UMPS: variants seen among roughly 807,000 people sequenced by gnomAD.
UMPS encodes the protein uridine monophosphate synthetase, also known as uridine 5'-monophosphate synthase.
A neutral mutation model predicts 38.9 loss-of-function variants in UMPS; 21 were observed. The observed-to-expected ratio is 0.54, with a 90% CI of 0.38 to 0.78. The LOEUF (loss-of-function observed/expected upper bound fraction) is 0.78, where lower values mean the gene tolerates loss of function less well. Ranked by LOEUF, UMPS falls within the 30% of genes least tolerant of loss-of-function variation. UMPS has a pLI of 0.00. For missense variants in UMPS, 533 were observed against 591.6 expected (o/e 0.90, Z 1.03); for synonymous variants, 208 against 219.3 (o/e 0.95, Z 0.45).
intron 1 of UMPS, among the ~76,000 whole-genome samples, chr3:124,732,965 A>G (rs1366322092): frequency 1.3e-5 from 1 of 75,964 alleles, no homozygotes; most frequent in South Asian, 3.8e-4. Flanking sequence ...TAACTAGATC[A>G]TGGTGTGTGT....
Position 124,748,826 on chromosome 3 carries a change from AC to A in UMPS, c.*4743del. 1 of 405,084 alleles carries A rather than the reference AC, an allele frequency of 2.5e-6. No individual in the cohort carries two copies. The highest frequency in any genetic ancestry group is 4.9e-6 in the Non-Finnish European group (1 of 203,228). 25.1% of individuals were successfully genotyped at this position (405,084 alleles called of 1,614,324 possible). ...CTGAGCTTCCTGTGGCTCCAGAGTA[AC>A]ATTATAGAGAAGCTGAATTCTCCTG... On this transcript the variant is annotated 3_prime_UTR_variant, in exon 6 of 6. Transcript: ENST00000232607.
In UMPS at chr3:124,745,622, A is replaced by G. The variant is rs1418580083; in HGVS notation, c.*1538A>G. On this transcript the variant is annotated 3_prime_UTR_variant, in exon 6 of 6. Coordinates refer to ENST00000232607, the MANE Select transcript of UMPS (RefSeq NM_000373.4). The stretch of plus-strand genomic sequence containing the variant: ...TGTCCCCAGTGCTGCATCTCCAGGG[A>G]AATGCTGTCTGTGGGAGAGACCAAC... 8.8e-6 allele frequency: 4 copies of G among 453,978 alleles called. No homozygotes were observed. Among genetic ancestry groups the G allele is most frequent in the Non-Finnish European group, 1.8e-5 (4 of 226,800 alleles). The allele number at this position is 453,978 out of a possible 1,614,324, so 28.1% of individuals were successfully genotyped here. A position where few individuals can be genotyped will look rare whatever the true frequency, so the allele number is the denominator to read the frequency against.
At chr3:124,732,191 C>T (rs2063484237) in intron 1 of UMPS, among the ~76,000 whole-genome samples, 2 of 152,156 alleles carry the variant, frequency 1.3e-5, no homozygotes. Context: ...CTACTGTAAT[C>T]GAAGCCTATA....
Position 124,744,121 on chromosome 3 carries a change from C to T in UMPS, c.*37C>T, listed in dbSNP as rs747349290. On this transcript the variant is annotated 3_prime_UTR_variant, in exon 6 of 6. Transcript: ENST00000232607. ...ACATTTTTCAGATACAATGTGAAGACATTGAAGATATGTGGTCCTCCTGAA... is the reference window on the plus strand; with the variant it reads ...ACATTTTTCAGATACAATGTGAAGATATTGAAGATATGTGGTCCTCCTGAA... The T allele has an allele frequency of 8.3e-5, 133 of 1,610,342 alleles. No homozygotes were observed. The highest frequency in any genetic ancestry group is 8.2e-4 in the Middle Eastern group (5 of 6,066).
At position 124,746,785 on chromosome 3, in the gene UMPS, G is replaced by C. The variant is rs779382854; in HGVS notation, c.*2701G>C. On this transcript the variant is annotated 3_prime_UTR_variant, in exon 6 of 6. Coordinates refer to ENST00000232607, the MANE Select transcript of UMPS (RefSeq NM_000373.4). Reference sequence around the variant, plus strand: ...TGTGTGTGTGTGTGTGTGTGTGTGTGTGTGTGTGTGTGCATGCGCGCGCGT... The same window carrying C: ...TGTGTGTGTGTGTGTGTGTGTGTGTCTGTGTGTGTGTGCATGCGCGCGCGT... 1 of 387,786 alleles carries C rather than the reference G, an allele frequency of 2.6e-6. No homozygotes were observed. Among genetic ancestry groups the C allele is most frequent in the South Asian group, 1.7e-5 (1 of 59,884 alleles). 24.0% of individuals were successfully genotyped at this position (387,786 alleles called of 1,614,324 possible). A position where few individuals can be genotyped will look rare whatever the true frequency, so the allele number is the denominator to read the frequency against.
intron 4 of UMPS, among the ~76,000 whole-genome samples, chr3:124,740,738 G>T (rs2063550734): frequency 6.6e-6 from 1 of 152,130 alleles, no homozygotes; most frequent in Admixed American, 6.5e-5. Flanking sequence ...CGGGAGGATT[G>T]CTTGAGGCCA....
Position 124,744,280 on chromosome 3 carries a change from T to G in UMPS, c.*196T>G. The G allele has an allele frequency of 1.4e-6, 1 of 713,952 alleles. No individual in the cohort carries two copies. Among genetic ancestry groups the G allele is most frequent in the Non-Finnish European group, 2.4e-6 (1 of 409,860 alleles). The allele number at this position is 713,952 out of a possible 1,614,324, so 44.2% of individuals were successfully genotyped here. ...TGTAATCACCGCATTGATACTATAA[T>G]AAGTTCATTCTTAAGCTTGCTTTTT... is the stretch of plus-strand genomic sequence containing the variant. On this transcript the variant is annotated 3_prime_UTR_variant, in exon 6 of 6. Transcript: ENST00000232607.
In UMPS at chr3:124,744,433, G is replaced by A. The variant is rs1196578383; in HGVS notation, c.*349G>A. ...TTCTATTTATTTTTTAATTTTTTTCGAGACAGGATCTCACTCTGTTGCCCA... is the reference window on the plus strand; with the variant it reads ...TTCTATTTATTTTTTAATTTTTTTCAAGACAGGATCTCACTCTGTTGCCCA... On this transcript the variant is annotated 3_prime_UTR_variant, in exon 6 of 6. Transcript: ENST00000232607. 2 of 455,614 alleles carry A rather than the reference G, an allele frequency of 4.4e-6. No homozygotes were observed. Among genetic ancestry groups the A allele is most frequent in the Admixed American group, 2.3e-5 (1 of 42,562 alleles). 28.2% of individuals were successfully genotyped at this position (455,614 alleles called of 1,614,324 possible).
In UMPS at chr3:124,745,138, CATT is replaced by C. The variant is rs960067906; in HGVS notation, c.*1056_*1058del. ...GATCCCACATAATTGTCCCAACGGTCATTAGTAGAGGGGAGGTAAGCCTTCATT... is the reference window on the plus strand; with the variant it reads ...GATCCCACATAATTGTCCCAACGGTCAGTAGAGGGGAGGTAAGCCTTCATT... On this transcript the variant is annotated 3_prime_UTR_variant, in exon 6 of 6. Transcript: ENST00000232607. 2.9e-5 allele frequency: 13 copies of C among 453,944 alleles called. No individual in the cohort carries two copies. Among genetic ancestry groups the C allele is most frequent in the African/African-American group, 2.4e-4 (12 of 49,984 alleles). 28.1% of individuals were successfully genotyped at this position (453,944 alleles called of 1,614,324 possible). A position where few individuals can be genotyped will look rare whatever the true frequency, so the allele number is the denominator to read the frequency against.
Position 124,747,341 on chromosome 3 carries a change from C to G in UMPS, c.*3257C>G, listed in dbSNP as rs1052805745. On this transcript the variant is annotated 3_prime_UTR_variant, in exon 6 of 6. Coordinates refer to ENST00000232607, the MANE Select transcript of UMPS (RefSeq NM_000373.4). ...AGGGGTGCAGCCACAGGAGAGCCAA[C>G]AGCAGAGGGTGCTGGCCGCTGAGCT... 3 of 455,040 alleles carry G rather than the reference C, an allele frequency of 6.6e-6. No individual in the cohort carries two copies. The highest frequency in any genetic ancestry group is 4.0e-5 in the African/African-American group (2 of 50,024). 28.2% of individuals were successfully genotyped at this position (455,040 alleles called of 1,614,324 possible).
chr3:124,741,562 G>A (rs961271569), intron 4 of UMPS, among the ~76,000 whole-genome samples: 1 of 152,216 alleles, frequency 6.6e-6, no homozygotes, highest in Non-Finnish European at 1.5e-5. Context: ...CATGACAGCT[G>A]CCTTTGGATA....
chr3:124,744,803 A>C lies in UMPS; in HGVS notation c.*719A>C. 2.2e-6 allele frequency: 1 copy of C among 454,080 alleles called. No individual in the cohort carries two copies. The highest frequency in any genetic ancestry group is 4.4e-6 in the Non-Finnish European group (1 of 226,778). The allele number at this position is 454,080 out of a possible 1,614,324, so 28.1% of individuals were successfully genotyped here. A position where few individuals can be genotyped will look rare whatever the true frequency, so the allele number is the denominator to read the frequency against. On this transcript the variant is annotated 3_prime_UTR_variant, in exon 6 of 6. Transcript: ENST00000232607. ...TATTCTCTGTCTAATGTGTTGCCCA[A>C]ATAATACCTAATTGTTAGCCATTCC...
Position 124,748,891 on chromosome 3 carries a change from A to G in UMPS, c.*4807A>G, listed in dbSNP as rs1412881256. ...GGCATGGGAGTTAGCTGAGAAGCAG[A>G]CCTGGTGGGCCTGAGAGTCTCAATC... On this transcript the variant is annotated 3_prime_UTR_variant, in exon 6 of 6. Transcript: ENST00000232607. 4 of 440,560 alleles carry G rather than the reference A, an allele frequency of 9.1e-6. No individual in the cohort carries two copies. Among genetic ancestry groups the G allele is most frequent in the African/African-American group, 6.0e-5 (3 of 49,710 alleles). 27.3% of individuals were successfully genotyped at this position (440,560 alleles called of 1,614,324 possible). A position where few individuals can be genotyped will look rare whatever the true frequency, so the allele number is the denominator to read the frequency against.
rs1450735973 is a variant in UMPS at position 124,748,926 on chromosome 3, GGACA to G, written c.*4844_*4847del. The G allele has an allele frequency of 2.2e-6, 1 of 451,472 alleles. No individual in the cohort carries two copies. Among genetic ancestry groups the G allele is most frequent in the Non-Finnish European group, 4.4e-6 (1 of 224,976 alleles). The allele number at this position is 451,472 out of a possible 1,614,324, so 28.0% of individuals were successfully genotyped here. ...CCTGAGAGTCTCAATCGTCAGGTAA[GGACA>G]GTCAGTGGGAAGTGGACGGGCCGCA... On this transcript the variant is annotated 3_prime_UTR_variant, in exon 6 of 6. Transcript: ENST00000232607.
In UMPS at chr3:124,747,064, T is replaced by G. The variant is rs1346538698; in HGVS notation, c.*2980T>G. The G allele has an allele frequency of 8.8e-6, 4 of 453,488 alleles. No individual in the cohort carries two copies. Among genetic ancestry groups the G allele is most frequent in the Non-Finnish European group, 1.3e-5 (3 of 226,488 alleles). The allele number at this position is 453,488 out of a possible 1,614,324, so 28.1% of individuals were successfully genotyped here. A position where few individuals can be genotyped will look rare whatever the true frequency, so the allele number is the denominator to read the frequency against. Reference sequence around the variant, plus strand: ...ACTCTGTTGCCCAGGCTGGAGTATATCATGGCTCACTGCAACCTTGACTTG... The same window carrying G: ...ACTCTGTTGCCCAGGCTGGAGTATAGCATGGCTCACTGCAACCTTGACTTG... On this transcript the variant is annotated 3_prime_UTR_variant, in exon 6 of 6. Coordinates refer to ENST00000232607, the MANE Select transcript of UMPS (RefSeq NM_000373.4).
chr3:124,731,437 G>T (rs9840078), intron 1 of UMPS: 64,734 of 365,904 alleles, frequency 0.18, 6,379 homozygotes, highest in Admixed American at 0.27. Flanking sequence ...TACCTGGAAT[G>T]TGTGATACAA....
chr3:124,734,584 G>A (rs1160560412), intron 1 of UMPS, among the ~76,000 whole-genome samples: 4 of 152,080 alleles, frequency 2.6e-5, no homozygotes, highest in African/African-American at 9.7e-5. Flanking sequence ...TGTGTTTTTA[G>A]ATTTATATTT....
At position 124,747,141 on chromosome 3, in the gene UMPS, G is replaced by A; in HGVS notation, c.*3057G>A. 1 of 453,996 alleles carries A rather than the reference G, an allele frequency of 2.2e-6. No homozygotes were observed. The highest frequency in any genetic ancestry group is 1.6e-5 in the South Asian group (1 of 64,468). 28.1% of individuals were successfully genotyped at this position (453,996 alleles called of 1,614,324 possible). A position where few individuals can be genotyped will look rare whatever the true frequency, so the allele number is the denominator to read the frequency against. On this transcript the variant is annotated 3_prime_UTR_variant, in exon 6 of 6. Transcript: ENST00000232607. ...GGAACTACTCTCAAGTAGCTCTCAA[G>A]AGCCTCTCGAGTGGCTGGAACTACA...
chr3:124,739,246 G>C (rs1477766269), intron 3 of UMPS, among the ~76,000 whole-genome samples: 2 of 152,214 alleles, frequency 1.3e-5, no homozygotes, highest in Non-Finnish European at 2.9e-5. Context: ...GAGATCTAAG[G>C]AACACGTAGA....
Sources: gnomAD v4.1 joint callset for allele counts (sites outside exome capture counted in the v4.1 genomes callset) on GRCh38, gnomAD v4.1.1 for gene constraint, MANE v1.5 for transcripts, NCBI Gene and HGNC (gene_info 2026-07-23, HGNC 2026-07-21) for gene names.